PDE6C: variants seen among roughly 807,000 people sequenced by gnomAD.
The protein encoded by PDE6C is cone cGMP-specific 3',5'-cyclic phosphodiesterase subunit alpha'.
A neutral mutation model predicts 113.1 loss-of-function variants in PDE6C; 75 were observed. That is an observed-to-expected ratio of 0.66 (90% CI 0.55 to 0.80). The LOEUF (loss-of-function observed/expected upper bound fraction) is 0.80, where lower values mean the gene tolerates loss of function less well. Among genes scored for constraint, PDE6C ranks in the 30% least tolerant of loss-of-function variants. The probability of loss-of-function intolerance (pLI) is 0.00; values close to 1 mark genes in which losing one functional copy is unlikely to be tolerated. For missense variants in PDE6C, 912 were observed against 1,038.6 expected (o/e 0.88, Z 1.67); for synonymous variants, 375 against 363.7 (o/e 1.03, Z -0.35).
At position 93,634,867 on chromosome 10, in the gene PDE6C, A is replaced by G; in HGVS notation, c.1229A>G (p.Asp410Gly). 1 of 1,614,124 alleles carries G rather than the reference A, an allele frequency of 6.2e-7. No homozygotes were observed. Among genetic ancestry groups the G allele is most frequent in the Non-Finnish European group, 8.5e-7 (1 of 1,179,978 alleles). The stretch of plus-strand genomic sequence containing the variant: ...GTGGCTACATTTTACAACAGGAAGG[A>G]TGGAAAACCTTTCGATGAGCATGAT... ...VGVATFYNRKDGKPFDEHDEY... is the reference protein window; with the variant it reads ...VGVATFYNRKGGKPFDEHDEY... Residue 410 changes from aspartate (D) to glycine (G), a missense_variant, in exon 9 of 22, where the codon GAT becomes GGT. Coordinates refer to ENST00000371447, the MANE Select transcript of PDE6C (RefSeq NM_006204.4).
intron 16 of PDE6C, among the ~76,000 whole-genome samples, chr10:93,656,629 G>A (rs2133875723): frequency 6.6e-6 from 1 of 151,994 alleles, no homozygotes; most frequent in South Asian, 2.1e-4. Context: ...GAGTGCAGTG[G>A]CACAACCTCG....
At chr10:93,627,258 C>CAAGGAAAAA (rs71031524) in intron 7 of PDE6C, among the ~76,000 whole-genome samples, 1 of 52,580 alleles carries the variant, frequency 1.9e-5, no homozygotes, top group African/African-American at 6.3e-5. Context: ...TGAAACTCCA[C>CAAGGAAAAA]AAAAAAAAAA....
chr10:93,613,851 A>G (rs1191646306), intron 1 of PDE6C, among the ~76,000 whole-genome samples: 1 of 152,216 alleles, frequency 6.6e-6, no homozygotes, highest in Non-Finnish European at 1.5e-5. Context: ...ATCTTTCAAG[A>G]ATGAATTCCA....
chr10:93,655,771 C>G lies in PDE6C; in HGVS notation c.1947C>G (p.Ile649Met). Residue 649 changes from isoleucine to methionine, a missense_variant, in exon 16 of 22, where the codon ATC (isoleucine) becomes ATG (methionine). Ile to Met is a conservative substitution (Grantham distance 10). Coordinates refer to ENST00000371447, the MANE Select transcript of PDE6C (RefSeq NM_006204.4). ...KTLLQDESLN[I>M]FQNLNKRQFE... is the part of the protein sequence containing the mutation. ...TTTTCATCTTACAGAGTTTAAACAT[C>G]TTCCAGAACCTAAATAAGCGGCAGT... is the stretch of plus-strand genomic sequence containing the variant. 1 of 1,590,540 alleles carries G rather than the reference C, an allele frequency of 6.3e-7. No homozygotes were observed. Among genetic ancestry groups the G allele is most frequent in the Non-Finnish European group, 8.6e-7 (1 of 1,158,714 alleles).
chr10:93,621,441 C>A (rs957726332), intron 3 of PDE6C, among the ~76,000 whole-genome samples: 1 of 152,210 alleles, frequency 6.6e-6, no homozygotes, highest in African/African-American at 2.4e-5. Flanking sequence ...GTCTGGCCCA[C>A]TCTCTGGACC....
At chr10:93,620,191 T>C (rs1418022092) in intron 1 of PDE6C, among the ~76,000 whole-genome samples, 2 of 152,182 alleles carry the variant, frequency 1.3e-5, no homozygotes, top group Non-Finnish European at 2.9e-5. Flanking sequence ...TTATGACATA[T>C]GGGTTGATGA....
chr10:93,627,260 A>AAG (rs1554889336), intron 7 of PDE6C, among the ~76,000 whole-genome samples: 4 of 141,326 alleles, frequency 2.8e-5, no homozygotes, highest in Non-Finnish European at 6.0e-5. Context: ...AAACTCCACA[A>AAG]AAAAAAAAAA....
intron 15 of PDE6C, among the ~76,000 whole-genome samples, chr10:93,652,597 A>G (rs1292235481): frequency 6.6e-6 from 1 of 152,232 alleles, no homozygotes; most frequent in Non-Finnish European, 1.5e-5. Flanking sequence ...TTGAAAAGTA[A>G]GATAGTTTTT....
At chr10:93,623,424 C>T (rs1185091513) in intron 4 of PDE6C, among the ~76,000 whole-genome samples, 4 of 152,136 alleles carry the variant, frequency 2.6e-5, no homozygotes, top group Non-Finnish European at 5.9e-5. Flanking sequence ...TTTTCATTCT[C>T]TTAACAGTGT....
At chr10:93,632,971 A>AAG (rs2058508979) in intron 8 of PDE6C, among the ~76,000 whole-genome samples, 1 of 152,222 alleles carries the variant, frequency 6.6e-6, no homozygotes, top group Non-Finnish European at 1.5e-5. Flanking sequence ...AGTTAGAAAA[A>AAG]TTAGAAAGGC....
chr10:93,622,639 G>GTTTTTTTTTTTTTTT lies in PDE6C; in HGVS notation c.864+577_864+578insTTTTTTTTTTTTTTT, dbSNP rs67350128. On this transcript the variant is annotated intron_variant, in intron 4 of 21. Coordinates refer to ENST00000371447, the MANE Select transcript of PDE6C (RefSeq NM_006204.4). ...CCTTCCAAACTCCTGGTAGCCACAG[G>GTTTTTTTTTTTTTTT]TTTTTTTTTTGTTTTTTTTTTTGTT... Among the ~76,000 whole-genome samples the GTTTTTTTTTTTTTTT allele has an allele frequency of 2.1e-4, 24 of 113,988 alleles. 1 individual carries two copies. The highest frequency in any genetic ancestry group is 5.6e-4 in the African/African-American group (15 of 26,760). The allele number at this position is 113,988 out of a possible 152,430, so 74.8% of individuals were successfully genotyped here.
At chr10:93,656,866 G>A (rs1222846501) in intron 16 of PDE6C, among the ~76,000 whole-genome samples, 1 of 151,984 alleles carries the variant, frequency 6.6e-6, no homozygotes, top group Non-Finnish European at 1.5e-5. Flanking sequence ...GTTGCACTGG[G>A]CCTGAATATT....
chr10:93,651,189 C>G (rs558229793), intron 15 of PDE6C, among the ~76,000 whole-genome samples: 2 of 152,262 alleles, frequency 1.3e-5, no homozygotes, highest in East Asian at 3.9e-4. Flanking sequence ...TGCCTAGTAC[C>G]ATGGAAGAAG....
Position 93,664,370 on chromosome 10 carries a change from A to G in PDE6C, c.2519-990A>G, listed in dbSNP as rs188310302. Among the ~76,000 whole-genome samples, 504 of 152,336 alleles carry G rather than the reference A, an allele frequency of 3.3e-3. 7 individuals are homozygous for G. The highest frequency in any genetic ancestry group is 1.2e-3 in the East Asian group (6 of 5,190). On this transcript the variant is annotated intron_variant, in intron 21 of 21. Transcript: ENST00000371447. ...TTGGAGTAGGAATAAGCTTGGTGCA[A>G]TTGAAAAATTTTTAAGCTGATATAG...
intron 8 of PDE6C, among the ~76,000 whole-genome samples, chr10:93,632,925 T>C (rs576953108): frequency 1.1e-3 from 172 of 152,262 alleles, no homozygotes; most frequent in Non-Finnish European, 1.8e-3. Flanking sequence ...AGGCTATAAG[T>C]GCAGTTGGAA....
In PDE6C at chr10:93,658,973, T is replaced by C. The variant is rs761641543; in HGVS notation, c.2109T>C (p.Tyr703=). The C allele has an allele frequency of 6.8e-6, 11 of 1,612,212 alleles. No individual in the cohort carries two copies. The South Asian group carries it at 1.1e-4, about 16-fold the overall frequency. ...QMQTEEEAIK[Y]VTVDPTKKEI... is the part of the protein sequence containing the mutation. ...AAACGGAAGAAGAAGCCATCAAATA[T>C]GTAACTGTTGATCCAACCAAGAAAG... The change falls in exon 17 of 22, where the codon TAT becomes TAC. Residue 703 remains tyrosine, a synonymous_variant. Transcript: ENST00000371447.
chr10:93,661,838 T>C (rs1220744914), intron 18 of PDE6C, among the ~76,000 whole-genome samples: 1 of 152,176 alleles, frequency 6.6e-6, no homozygotes, highest in Non-Finnish European at 1.5e-5. Context: ...AGATAGATAC[T>C]CCTAGAATAA....
At chr10:93,641,061 A>G (rs1165254289) in intron 14 of PDE6C, 32 bp downstream of exon 14, 1 of 1,231,048 alleles carries the variant, frequency 8.1e-7, no homozygotes. Context: ...GTTGACACGT[A>G]TTGGTGGACA....
Position 93,622,004 on chromosome 10 carries a change from T to C in PDE6C, c.796T>C (p.Tyr266His). 6.2e-7 allele frequency: 1 copy of C among 1,613,854 alleles called. No homozygotes were observed. Among genetic ancestry groups the C allele is most frequent in the Non-Finnish European group, 8.5e-7 (1 of 1,179,754 alleles). Residue 266 changes from tyrosine (Y) to histidine (H), a missense_variant, in exon 4 of 22, where the codon TAC (tyrosine) becomes CAC (histidine). Coordinates refer to ENST00000371447, the MANE Select transcript of PDE6C (RefSeq NM_006204.4). Reference sequence around the variant, plus strand: ...TGAGCGACAGTTTCACAAAGCGCTCTACACGGTTAGATCATATCTGAACTG... The same window carrying C: ...TGAGCGACAGTTTCACAAAGCGCTCCACACGGTTAGATCATATCTGAACTG... ...DVERQFHKAL[Y>H]TVRSYLNCER...
Sources: allele counts gnomAD v4.1 joint callset (sites outside exome capture counted in the v4.1 genomes callset), GRCh38; gene constraint gnomAD v4.1.1; transcripts MANE v1.5; gene names NCBI Gene and HGNC (gene_info 2026-07-23, HGNC 2026-07-21).